Variants in COLEC12 observed in about 807,000 individuals in gnomAD.
COLEC12 encodes the protein collectin-12.
Under a neutral mutation model 71.1 loss-of-function variants are expected in COLEC12, and 33 were observed. The ratio of observed to expected loss-of-function variants is 0.46; its 90% CI spans 0.35 to 0.62. The LOEUF (loss-of-function observed/expected upper bound fraction) is 0.62, where lower values mean the gene tolerates loss of function less well. Ranked by LOEUF, COLEC12 falls within the 20% of genes least tolerant of loss-of-function variation. The pLI is 0.00. For missense variants in COLEC12, 765 were observed against 916.1 expected (o/e 0.84, Z 2.13); for synonymous variants, 350 against 353.0 (o/e 0.99, Z 0.10).
At chr18:443,973 A>G (rs960496281) in intron 2 of COLEC12, among the ~76,000 whole-genome samples, 2 of 152,130 alleles carry the variant, frequency 1.3e-5, no homozygotes, top group Non-Finnish European at 2.9e-5. Flanking sequence ...ACCTTCTGCC[A>G]TGATCGTAAA....
Position 476,582 on chromosome 18 carries a change from C to T in COLEC12, c.58+4125G>A, listed in dbSNP as rs184755393. ...AATCAATGAAACAAAGTCAGTCTAG[C>T]GCCCCCGCCCCAGTGCAGAAAGGGA... On this transcript the variant is annotated intron_variant, in intron 2 of 9. Transcript: ENST00000400256. Among the ~76,000 whole-genome samples the T allele has an allele frequency of 4.8e-3, 727 of 151,614 alleles. 13 individuals are homozygous for T. The South Asian group carries it at 0.065, about 14-fold the overall frequency.
intron 2 of COLEC12, among the ~76,000 whole-genome samples, chr18:432,081 G>A (rs1038100529): frequency 2.6e-5 from 4 of 152,048 alleles, no homozygotes; most frequent in African/African-American, 9.7e-5. Flanking sequence ...CTTTAAATAC[G>A]CCATCACATC....
At chr18:321,209 C>T (rs1913696115) in intron 9 of COLEC12, among the ~76,000 whole-genome samples, 1 of 152,184 alleles carries the variant, frequency 6.6e-6, no homozygotes, top group Non-Finnish European at 1.5e-5. Context: ...CATGCGCCAC[C>T]ATGCCCGGCT....
At chr18:417,084 T>C (rs1916001913) in intron 2 of COLEC12, among the ~76,000 whole-genome samples, 1 of 147,970 alleles carries the variant, frequency 6.8e-6, no homozygotes, top group African/African-American at 2.5e-5. Flanking sequence ...CACTTAATGA[T>C]AGGGAGATGT....
Position 335,244 on chromosome 18 carries a change from GA to G in COLEC12, c.1328-15del. On this transcript the variant is annotated splice_polypyrimidine_tract_variant and intron_variant, in intron 5 of 9. Coordinates refer to ENST00000400256, the MANE Select transcript of COLEC12 (RefSeq NM_130386.3). ...GGCCCGGTGGACCTAAAGCATAAAAGAAAAAGGTGTCAACATGAAATCCACT... is the reference window on the plus strand; with the variant it reads ...GGCCCGGTGGACCTAAAGCATAAAAGAAAAGGTGTCAACATGAAATCCACT... 1.3e-6 allele frequency: 2 copies of G among 1,567,812 alleles called. No individual in the cohort carries two copies.
intron 2 of COLEC12, among the ~76,000 whole-genome samples, chr18:431,295 G>A (rs1051945003): frequency 2.6e-5 from 4 of 152,012 alleles, no homozygotes; most frequent in East Asian, 1.9e-4. Flanking sequence ...GAGCTGCCAC[G>A]CCCAACCTAT....
At chr18:419,373 T>A (rs1384702221) in intron 2 of COLEC12, among the ~76,000 whole-genome samples, 1 of 152,200 alleles carries the variant, frequency 6.6e-6, no homozygotes, top group Non-Finnish European at 1.5e-5. Flanking sequence ...ACTAGGCTAA[T>A]TTTTGTAATT....
chr18:401,572 C>A (rs934724240), intron 2 of COLEC12, among the ~76,000 whole-genome samples: 1 of 152,208 alleles, frequency 6.6e-6, no homozygotes, highest in Non-Finnish European at 1.5e-5. Flanking sequence ...TAGTGCTCAG[C>A]GACTGCCTCG....
chr18:363,919 G>A (rs1353381206), intron 2 of COLEC12, among the ~76,000 whole-genome samples: 3 of 152,100 alleles, frequency 2.0e-5, no homozygotes, highest in African/African-American at 4.8e-5. Context: ...CCATGAAAAC[G>A]GAAGCAGGAC....
intron 2 of COLEC12, among the ~76,000 whole-genome samples, chr18:395,093 C>T (rs956457136): frequency 1.3e-5 from 2 of 152,232 alleles, no homozygotes; most frequent in African/African-American, 2.4e-5. Context: ...TCTGGGAAAG[C>T]CTAACATCTG....
intron 2 of COLEC12, among the ~76,000 whole-genome samples, chr18:361,829 T>C (rs750772756): frequency 7.9e-5 from 12 of 152,172 alleles, no homozygotes; most frequent in African/African-American, 2.9e-4. Flanking sequence ...GGCACTCCCA[T>C]GGCTGATGGG....
intron 2 of COLEC12, among the ~76,000 whole-genome samples, chr18:462,278 A>G (rs1916997705): frequency 6.6e-6 from 1 of 152,216 alleles, no homozygotes; most frequent in Non-Finnish European, 1.5e-5. Flanking sequence ...AACTACCCAA[A>G]TGCCTACCAA....
At chr18:378,855 G>C (rs1028084757) in intron 2 of COLEC12, among the ~76,000 whole-genome samples, 2 of 151,980 alleles carry the variant, frequency 1.3e-5, no homozygotes, top group East Asian at 1.9e-4. Flanking sequence ...CCAAGTACCT[G>C]CTTTGCTCTG....
intron 2 of COLEC12, among the ~76,000 whole-genome samples, chr18:361,710 C>T (rs948200): frequency 0.011 from 1,730 of 152,270 alleles, 32 homozygotes; most frequent in African/African-American, 0.038. Context: ...CCCACAGACA[C>T]GCCACATTCC....
In COLEC12 at chr18:486,333, C is replaced by T. The variant is rs146082156; in HGVS notation, c.8-5576G>A. Among the ~76,000 whole-genome samples, 63 of 152,180 alleles carry T rather than the reference C, an allele frequency of 4.1e-4. No homozygotes were observed. In the East Asian group the frequency reaches 6.8e-3, roughly 16 times the overall value. On this transcript the variant is annotated intron_variant, in intron 1 of 9. Transcript: ENST00000400256. The stretch of plus-strand genomic sequence containing the variant: ...CAGAGTAGCTGGGATTACAGGCCTG[C>T]GCCATTATGCCTGCCTAATTTCTGT...
intron 5 of COLEC12, among the ~76,000 whole-genome samples, chr18:345,703 G>A (rs1266358986): frequency 6.6e-6 from 1 of 152,130 alleles, no homozygotes; most frequent in Non-Finnish European, 1.5e-5. Context: ...AATAGCTCAA[G>A]GACCAAGAAA....
intron 2 of COLEC12, among the ~76,000 whole-genome samples, chr18:366,681 C>T (rs554872507): frequency 3.3e-5 from 5 of 152,312 alleles, no homozygotes; most frequent in Admixed American, 3.3e-4. Flanking sequence ...AGTACAGATC[C>T]GGGCAGTGGG....
chr18:423,113 C>CA (rs67154514), intron 2 of COLEC12, among the ~76,000 whole-genome samples: 103,412 of 151,660 alleles, frequency 0.68, 36,163 homozygotes, highest in East Asian at 1. Context: ...TCTAAAAAAA[C>CA]AAAAAAATTA....
chr18:379,466 C>T (rs1021162149), intron 2 of COLEC12, among the ~76,000 whole-genome samples: 3 of 151,832 alleles, frequency 2.0e-5, no homozygotes, highest in African/African-American at 7.3e-5. Flanking sequence ...TCTGTTTACT[C>T]CAAAGCAGGT....
Sources: gnomAD v4.1 joint callset for allele counts (sites outside exome capture counted in the v4.1 genomes callset) on GRCh38, gnomAD v4.1.1 for gene constraint, MANE v1.5 for transcripts, NCBI Gene and HGNC (gene_info 2026-07-23, HGNC 2026-07-21) for gene names.